ARMC9: variants seen among roughly 807,000 people sequenced by gnomAD.
ARMC9 encodes lisH domain-containing protein ARMC9.
In ARMC9, 94 loss-of-function variants were observed where a neutral mutation model predicts 107.0. That is an observed-to-expected ratio of 0.88 (90% CI 0.74 to 1.04). The LOEUF is 1.04. ARMC9 is among the 50% of genes least tolerant of loss of function. The pLI is 0.00. For synonymous variants in ARMC9, 380 were observed against 396.9 expected (o/e 0.96, Z 0.51); for missense variants, 942 against 1,030.1 (o/e 0.91, Z 1.17).
At position 231,278,309 on chromosome 2, in the gene ARMC9, CAAG is replaced by C; in HGVS notation, c.1475-72_1475-70del. 2.0e-6 allele frequency: 3 copies of C among 1,490,320 alleles called. No homozygotes were observed. The East Asian group carries it at 6.8e-5, about 34-fold the overall frequency. The allele number at this position is 1,490,320 out of a possible 1,614,324, so 92.3% of individuals were successfully genotyped here. A position where few individuals can be genotyped will look rare whatever the true frequency, so the allele number is the denominator to read the frequency against. On this transcript the variant is annotated intron_variant, in intron 15 of 24. Coordinates refer to ENST00000611582, the MANE Select transcript of ARMC9 (RefSeq NM_001352754.2). ...GAGCAGAGGAGCCAAGATTTGTCTC[CAAG>C]TCTACCTGACCTAAAATTGTGCTTC...
intron 23 of ARMC9, among the ~76,000 whole-genome samples, chr2:231,361,858 G>A (rs776011600): frequency 2.0e-4 from 31 of 152,266 alleles, no homozygotes; most frequent in African/African-American, 2.4e-4. Context: ...GGAGAAAATC[G>A]GAGAGAGAAA....
chr2:231,344,740 T>A (rs1032656011), intron 20 of ARMC9, among the ~76,000 whole-genome samples: 2 of 152,222 alleles, frequency 1.3e-5, no homozygotes, highest in African/African-American at 4.8e-5. Context: ...TTCCTAGGGT[T>A]TGACTTTGTT....
At chr2:231,214,599 A>G (rs896031006) in intron 3 of ARMC9, among the ~76,000 whole-genome samples, 1 of 152,098 alleles carries the variant, frequency 6.6e-6, no homozygotes, top group Admixed American at 6.5e-5. Context: ...AAGACCTTAA[A>G]TGTTTTGTGT....
At chr2:231,234,393 G>A (rs574177476) in intron 7 of ARMC9, among the ~76,000 whole-genome samples, 17 of 152,266 alleles carry the variant, frequency 1.1e-4, no homozygotes, top group Admixed American at 7.8e-4. Context: ...GTGGTTTTAT[G>A]CTTTATCAAA....
intron 8 of ARMC9, among the ~76,000 whole-genome samples, chr2:231,236,874 G>A (rs1352884382): frequency 6.6e-6 from 1 of 152,194 alleles, no homozygotes; most frequent in Non-Finnish European, 1.5e-5. Context: ...AACCCGGCTG[G>A]CAGAGGTTGC....
At chr2:231,202,003 CTTTTT>C (rs5839391) in intron 1 of ARMC9, among the ~76,000 whole-genome samples, 1 of 135,142 alleles carries the variant, frequency 7.4e-6, no homozygotes, top group African/African-American at 2.9e-5. Context: ...TTCTTTCTTT[CTTTTT>C]TTTTTTTTTT....
At chr2:231,350,946 CTTTTTT>C (rs770225857) in intron 21 of ARMC9, among the ~76,000 whole-genome samples, 3 of 50,598 alleles carry the variant, frequency 5.9e-5, no homozygotes, top group East Asian at 5.7e-4. Context: ...AGTGACAATT[CTTTTTT>C]TTTTTTTTTT....
At chr2:231,371,458 G>A in intron 24 of ARMC9, 55 bp from the exon 25 acceptor site, 1 of 1,296,870 alleles carries the variant, frequency 7.7e-7, no homozygotes, top group Non-Finnish European at 9.8e-7. Flanking sequence ...GGACAGAGGG[G>A]ATTCTGTGCG....
At chr2:231,277,237 T>G (rs2039839716) in intron 15 of ARMC9, among the ~76,000 whole-genome samples, 1 of 152,164 alleles carries the variant, frequency 6.6e-6, no homozygotes, top group African/African-American at 2.4e-5. Flanking sequence ...ATTTATATAC[T>G]TGATCAGTCA....
At chr2:231,301,194 G>A (rs1240927575) in intron 19 of ARMC9, among the ~76,000 whole-genome samples, 1 of 152,168 alleles carries the variant, frequency 6.6e-6, no homozygotes, top group Non-Finnish European at 1.5e-5. Flanking sequence ...TCTTGTTAAT[G>A]TTTCTTGAAA....
In ARMC9 at chr2:231,282,044, T is replaced by C; in HGVS notation, c.1552-15T>C. The C allele has an allele frequency of 1.2e-6, 2 of 1,613,556 alleles. No individual in the cohort carries two copies. The highest frequency in any genetic ancestry group is 1.7e-6 in the Non-Finnish European group (2 of 1,179,514). ...GAAAACTTGCAAATAACTGGTTTTT[T>C]TCCTCCCCTTAAAGATACAGCCGTA... is the stretch of plus-strand genomic sequence containing the variant. On this transcript the variant is annotated splice_polypyrimidine_tract_variant and intron_variant, in intron 16 of 24. Transcript: ENST00000611582.
chr2:231,228,719 A>G (rs368133621), intron 7 of ARMC9, among the ~76,000 whole-genome samples: 2 of 152,068 alleles, frequency 1.3e-5, no homozygotes, highest in East Asian at 1.9e-4. Context: ...TTTTAAAACC[A>G]CCACCATACC....
rs77549108 is a variant in ARMC9, at chr2:231,275,389, C to A, written c.1335-1247C>A. 2.2e-3 allele frequency among the ~76,000 whole-genome samples: 333 copies of A among 152,274 alleles called. 2 individuals are homozygous for A. The highest frequency in any genetic ancestry group is 7.7e-3 in the African/African-American group (318 of 41,558). On this transcript the variant is annotated intron_variant, in intron 14 of 24. Coordinates refer to ENST00000611582, the MANE Select transcript of ARMC9 (RefSeq NM_001352754.2). ...ATCCAGATGGCATCTCATAATGATA[C>A]CACACTTAGTCTCAGCAATTCTTAA...
At chr2:231,263,633 G>A (rs772439758) in intron 12 of ARMC9, among the ~76,000 whole-genome samples, 71 of 152,346 alleles carry the variant, frequency 4.7e-4, no homozygotes, top group African/African-American at 1.6e-3. Flanking sequence ...GCAACAGACC[G>A]TGGGAAAGTG....
At position 231,360,582 on chromosome 2, in the gene ARMC9, A is replaced by G. The variant is rs2045527504; in HGVS notation, c.2132-172A>G. On this transcript the variant is annotated intron_variant, in intron 22 of 24. Transcript: ENST00000611582. The surrounding 1 kb of genome is among the most constrained non-coding windows in gnomAD (Gnocchi z 4.7). ...GCCTGCCATCCCCCGCTACCTGGCAAGTTCCCGGGCTGCACGAGTAAACAA... is the reference window on the plus strand; with the variant it reads ...GCCTGCCATCCCCCGCTACCTGGCAGGTTCCCGGGCTGCACGAGTAAACAA... Among the ~76,000 whole-genome samples the G allele has an allele frequency of 6.6e-6, 1 of 152,102 alleles. No homozygotes were observed. Among genetic ancestry groups the G allele is most frequent in the African/African-American group, 2.4e-5 (1 of 41,416 alleles).
chr2:231,376,435 C>CGTGGTCGTCTCTT lies in ARMC9; in HGVS notation c.*4901_*4913dup, dbSNP rs2046199420. 6.6e-6 allele frequency among the ~76,000 whole-genome samples: 1 copy of CGTGGTCGTCTCTT among 152,090 alleles called. No individual in the cohort carries two copies. Among genetic ancestry groups the CGTGGTCGTCTCTT allele is most frequent in the Admixed American group, 6.5e-5 (1 of 15,276 alleles). On this transcript the variant is annotated 3_prime_UTR_variant, in exon 25 of 25. Transcript: ENST00000611582. ...TGAACTGGCCCCCCTCCCCCGGGGG[C>CGTGGTCGTCTCTT]GTGGTCGTCTCTTATGGTCGAGGCT... is the stretch of plus-strand genomic sequence containing the variant.
intron 9 of ARMC9, among the ~76,000 whole-genome samples, chr2:231,246,028 C>T (rs1438467500): frequency 1.3e-5 from 2 of 152,164 alleles, no homozygotes; most frequent in African/African-American, 2.4e-5. Context: ...CTCCTGCCCC[C>T]TGGATGAGTC....
intron 20 of ARMC9, among the ~76,000 whole-genome samples, chr2:231,343,238 C>T (rs1040803966): frequency 6.6e-6 from 1 of 151,672 alleles, no homozygotes; most frequent in Non-Finnish European, 1.5e-5. Flanking sequence ...CCCCACCTGT[C>T]ACTTCCCTGG....
intron 9 of ARMC9, among the ~76,000 whole-genome samples, chr2:231,251,666 G>A (rs370602217): frequency 7.9e-5 from 12 of 152,190 alleles, no homozygotes; most frequent in African/African-American, 2.7e-4. Flanking sequence ...GGCTGATGGG[G>A]GCAGTCAGTA....
Sources: gnomAD v4.1 joint callset for allele counts (sites outside exome capture counted in the v4.1 genomes callset) on GRCh38, gnomAD v4.1.1 for gene constraint, Gnocchi (gnomAD v3.1) non-coding constraint, MANE v1.5 for transcripts, NCBI Gene and HGNC (gene_info 2026-07-23, HGNC 2026-07-21) for gene names.